The following CMYA5 variants were observed in gnomAD, a reference collection of about 807,000 sequenced individuals.
CMYA5 encodes cardiomyopathy-associated protein 5.
In CMYA5, 246 loss-of-function variants were observed where a neutral mutation model predicts 318.9. The observed-to-expected ratio is 0.77, with a 90% CI of 0.70 to 0.86. The LOEUF (loss-of-function observed/expected upper bound fraction) is 0.86, where lower values mean the gene tolerates loss of function less well. Among genes scored for constraint, CMYA5 ranks in the 40% least tolerant of loss-of-function variants. The probability of loss-of-function intolerance (pLI) is 0.00; values close to 1 mark genes in which losing one functional copy is unlikely to be tolerated. For synonymous variants in CMYA5, 1,641 were observed against 1,729.5 expected (o/e 0.95, Z 1.27); for missense variants, 4,589 against 4,678.2 (o/e 0.98, Z 0.56).
Position 79,732,886 on chromosome 5 carries a change from C to T in CMYA5, c.4121C>T (p.Pro1374Leu). ...ACCAGAGCAGTAAAAGAAGAAATCC[C>T]AACAGATTCATCTCTTATCACTCCT... ...NLTRAVKEEI[P>L]TDSSLITPVD... Residue 1374 changes from proline to leucine, a missense_variant, in exon 2 of 13, where the codon CCA becomes CTA. This residue lies in a region of CMYA5 where 2,132 missense variants were observed against 2,131.3 expected (regional missense o/e 1.00). Transcript: ENST00000446378. 1 of 1,613,712 alleles carries T rather than the reference C, an allele frequency of 6.2e-7. No individual in the cohort carries two copies. Among genetic ancestry groups the T allele is most frequent in the Non-Finnish European group, 8.5e-7 (1 of 1,179,792 alleles).
intron 1 of CMYA5, among the ~76,000 whole-genome samples, chr5:79,710,997 T>C (rs1363515374): frequency 1.3e-5 from 2 of 152,194 alleles, no homozygotes; most frequent in Admixed American, 6.5e-5. Flanking sequence ...ATCTAACTTA[T>C]TCCAATACAG....
Position 79,731,450 on chromosome 5 carries a change from C to G in CMYA5, c.2685C>G (p.Pro895=). The G allele has an allele frequency of 6.2e-7, 1 of 1,611,330 alleles. No homozygotes were observed. The highest frequency in any genetic ancestry group is 2.2e-5 in the East Asian group (1 of 44,872). ...EEAVELERYT[P]SSTSASEFSV... ...CAGTCGAGTTGGAACGATACACACC[C>G]TCTTCTACATCTGCTTCTGAATTTT... Residue 895 remains proline (P), a synonymous_variant, in exon 2 of 13, where the codon CCC becomes CCG. Coordinates refer to ENST00000446378, the MANE Select transcript of CMYA5 (RefSeq NM_153610.5).
rs76197138 is a variant in CMYA5, at chr5:79,799,997, C to T, written c.*381C>T. The stretch of plus-strand genomic sequence containing the variant: ...GGTTGTGCTGGTAAGACATCTCTGA[C>T]GAAGAGCCATGGATGCTTTCCACAA... On this transcript the variant is annotated 3_prime_UTR_variant, in exon 13 of 13. Transcript: ENST00000446378. The T allele has an allele frequency of 0.018, 2,940 of 163,532 alleles. 85 individuals carry two copies. The highest frequency in any genetic ancestry group is 0.067 in the African/African-American group (2,808 of 41,692). The allele number at this position is 163,532 out of a possible 1,614,324, so 10.1% of individuals were successfully genotyped here.
rs1461353829 is a variant in CMYA5, at chr5:79,793,558, G to C, written c.11911G>C (p.Ala3971Pro). 6.2e-7 allele frequency: 1 copy of C among 1,613,762 alleles called. No homozygotes were observed. Among genetic ancestry groups the C allele is most frequent in the East Asian group, 2.2e-5 (1 of 44,870 alleles). ...CTCCAGCTCGGCTGTGCAGGCAGGT[G>C]CCCTAGGACAAGGGGAGACCTCATG... Reference protein sequence around the residue: ...ICSSSAVQAGALGQGETSWYM... With the variant: ...ICSSSAVQAGPLGQGETSWYM... Residue 3971 changes from alanine (A) to proline (P), a missense_variant, in exon 12 of 13, where the codon GCC becomes CCC. Transcript: ENST00000446378.
At chr5:79,787,335 G>C (rs569850145) in intron 9 of CMYA5, among the ~76,000 whole-genome samples, 1 of 152,028 alleles carries the variant, frequency 6.6e-6, no homozygotes, top group Non-Finnish European at 1.5e-5. Context: ...TTCAGTTCAG[G>C]CTGACTATGC....
chr5:79,789,135 T>A (rs374025678), intron 10 of CMYA5, 31 bp downstream of exon 10: 2 of 1,610,870 alleles, frequency 1.2e-6, no homozygotes, highest in Non-Finnish European at 1.7e-6. Context: ...AGTGAGCTAT[T>A]TCCAAGCTAT....
chr5:79,692,299 AT>A (rs1163025450), intron 1 of CMYA5, among the ~76,000 whole-genome samples: 2 of 152,094 alleles, frequency 1.3e-5, no homozygotes, highest in Non-Finnish European at 2.9e-5. Context: ...TTAGAATTTT[AT>A]TTTTGGTTTG....
At chr5:79,714,172 G>C (rs1413938890) in intron 1 of CMYA5, among the ~76,000 whole-genome samples, 1 of 152,118 alleles carries the variant, frequency 6.6e-6, no homozygotes, top group African/African-American at 2.4e-5. Flanking sequence ...CCAAAGAATA[G>C]CCAGACACAC....
At chr5:79,785,875 T>C (rs759823469) in intron 9 of CMYA5, among the ~76,000 whole-genome samples, 1 of 152,164 alleles carries the variant, frequency 6.6e-6, no homozygotes, top group Non-Finnish European at 1.5e-5. Flanking sequence ...TCTGACCCCA[T>C]TGTGCACCTT....
chr5:79,737,088 G>A lies in CMYA5; in HGVS notation c.8323G>A (p.Val2775Ile), dbSNP rs376275516. Residue 2775 changes from valine (V) to isoleucine (I), a missense_variant, in exon 2 of 13, where the codon GTA becomes ATA. Val to Ile is a conservative substitution (Grantham distance 29). Coordinates refer to ENST00000446378, the MANE Select transcript of CMYA5 (RefSeq NM_153610.5). Reference sequence around the variant, plus strand: ...GTCAGAGCTATGGAAAGGTGGTTCAGTAGATATCACAAAAGAAAGTATGAA... The same window carrying A: ...GTCAGAGCTATGGAAAGGTGGTTCAATAGATATCACAAAAGAAAGTATGAA... Reference protein sequence around the residue: ...KESELWKGGSVDITKESMKEG... With the variant: ...KESELWKGGSIDITKESMKEG... The A allele has an allele frequency of 3.1e-6, 5 of 1,613,538 alleles. No individual in the cohort carries two copies. Among genetic ancestry groups the A allele is most frequent in the African/African-American group, 1.3e-5 (1 of 74,904 alleles).
chr5:79,736,875 G>A lies in CMYA5; in HGVS notation c.8110G>A (p.Gly2704Arg), dbSNP rs199687806. Residue 2704 changes from glycine to arginine, a missense_variant, in exon 2 of 13, where the codon GGA becomes AGA. By Grantham distance (125) the Gly-to-Arg change is moderately radical. Coordinates refer to ENST00000446378, the MANE Select transcript of CMYA5 (RefSeq NM_153610.5). ...VKQGFQEKAV[G>R]TQPRPLEESK... Reference sequence around the variant, plus strand: ...ACAAGGATTTCAAGAAAAGGCAGTAGGAACCCAACCACGTCCTTTAGAAGA... The same window carrying A: ...ACAAGGATTTCAAGAAAAGGCAGTAAGAACCCAACCACGTCCTTTAGAAGA... 598 of 1,612,860 alleles carry A rather than the reference G, an allele frequency of 3.7e-4. No individual in the cohort carries two copies. Among genetic ancestry groups the A allele is most frequent in the Non-Finnish European group, 4.6e-4 (545 of 1,179,702 alleles).
Position 79,733,092 on chromosome 5 carries a change from A to AT in CMYA5, c.4329dup (p.Lys1444Ter). ...AGCTTGGTCAGAAGCAGAGAAGGAA[A>AT]TTAAATTTGATTCACTTCCAAGTGT... On this transcript the variant is annotated frameshift_variant, in exon 2 of 13. Transcript: ENST00000446378. LOFTEE classifies it high-confidence loss of function. 1 of 1,613,724 alleles carries AT rather than the reference A, an allele frequency of 6.2e-7. No individual in the cohort carries two copies. Among genetic ancestry groups the AT allele is most frequent in the Non-Finnish European group, 8.5e-7 (1 of 1,179,798 alleles).
At position 79,736,824 on chromosome 5, in the gene CMYA5, G is replaced by A; in HGVS notation, c.8059G>A (p.Val2687Ile). 1 of 1,612,794 alleles carries A rather than the reference G, an allele frequency of 6.2e-7. No homozygotes were observed. The highest frequency in any genetic ancestry group is 2.2e-5 in the East Asian group (1 of 44,830). The change falls in exon 2 of 13, where the codon GTA becomes ATA. Residue 2687 changes from valine (V) to isoleucine (I), a missense_variant. This residue lies in a region of CMYA5 where 2,431 missense variants were observed against 2,495.1 expected (regional missense o/e 0.97). Transcript: ENST00000446378. ...GTCAGAGCTATCGAAAGGCGGTTCA[G>A]TAGATATCACAAAAGAAACTGTGAA... is the stretch of plus-strand genomic sequence containing the variant. ...RESELSKGGS[V>I]DITKETVKQG...
chr5:79,765,371 A>C, intron 9 of CMYA5, among the ~76,000 whole-genome samples: 1 of 152,220 alleles, frequency 6.6e-6, no homozygotes, highest in Non-Finnish European at 1.5e-5. Context: ...TACCAGTACC[A>C]TGCTGTTTTG....
intron 9 of CMYA5, among the ~76,000 whole-genome samples, chr5:79,772,216 C>G (rs1235494574): frequency 6.6e-6 from 1 of 152,092 alleles, no homozygotes; most frequent in African/African-American, 2.4e-5. Context: ...TGAGATCTTG[C>G]CAATCAATTC....
chr5:79,689,966 A>T lies in CMYA5; in HGVS notation c.59A>T (p.Glu20Val), dbSNP rs1159164194. ...GESFLGSDGD[E>V]EATRELETEE... ...AGCTTTCTCGGCTCCGACGGGGACG[A>T]GGAGGCGACCCGGGAGCTGGAGACC... The change falls in exon 1 of 13, where the codon GAG becomes GTG. Residue 20 changes from glutamate to valine, a missense_variant. Coordinates refer to ENST00000446378, the MANE Select transcript of CMYA5 (RefSeq NM_153610.5). 4 of 1,247,668 alleles carry T rather than the reference A, an allele frequency of 3.2e-6. No homozygotes were observed. The African/African-American group carries it at 6.1e-5, about 19-fold the overall frequency. 77.3% of individuals were successfully genotyped at this position (1,247,668 alleles called of 1,614,324 possible).
At position 79,737,374 on chromosome 5, in the gene CMYA5, A is replaced by G; in HGVS notation, c.8609A>G (p.Lys2870Arg). The G allele has an allele frequency of 6.2e-7, 1 of 1,613,888 alleles. No homozygotes were observed. The highest frequency in any genetic ancestry group is 8.5e-7 in the Non-Finnish European group (1 of 1,179,836). The change falls in exon 2 of 13, where the codon AAG becomes AGG. Residue 2870 changes from lysine to arginine, a missense_variant. Lys to Arg is a conservative substitution (Grantham distance 26). Coordinates refer to ENST00000446378, the MANE Select transcript of CMYA5 (RefSeq NM_153610.5). ...CCTAAACAATCTGTTCTTGTTTCAAAGCACCACTTGGAGGCTGCGGAAGAT... is the reference window on the plus strand; with the variant it reads ...CCTAAACAATCTGTTCTTGTTTCAAGGCACCACTTGGAGGCTGCGGAAGAT... ...DVPKQSVLVS[K>R]HHLEAAEDTR... is the part of the protein sequence containing the mutation.
In CMYA5 at chr5:79,736,398, G is replaced by A. The variant is rs1440093045; in HGVS notation, c.7633G>A (p.Val2545Ile). 3 of 1,611,038 alleles carry A rather than the reference G, an allele frequency of 1.9e-6. No homozygotes were observed. The highest frequency in any genetic ancestry group is 2.5e-6 in the Non-Finnish European group (3 of 1,178,436). ...KEKGEEKENQVYVLSEGKKQQ... is the reference protein window; with the variant it reads ...KEKGEEKENQIYVLSEGKKQQ... ...GAAAGGTGAAGAAAAAGAAAATCAG[G>A]TATATGTGCTTTCAGAAGGAAAGAA... Residue 2545 changes from valine to isoleucine, a missense_variant, in exon 2 of 13, where the codon GTA (valine) becomes ATA (isoleucine). Physicochemically the swap from Val to Ile is conservative, Grantham distance 29. Coordinates refer to ENST00000446378, the MANE Select transcript of CMYA5 (RefSeq NM_153610.5).
Position 79,734,273 on chromosome 5 carries a change from A to T in CMYA5, c.5508A>T (p.Leu1836Phe). The change falls in exon 2 of 13, where the codon TTA (leucine) becomes TTT (phenylalanine). Residue 1836 changes from leucine to phenylalanine, a missense_variant. Around this residue, in one of 3 missense-constraint regions of CMYA5, gnomAD observed 2,132 missense variants for 2,131.3 expected, o/e 1.00. Coordinates refer to ENST00000446378, the MANE Select transcript of CMYA5 (RefSeq NM_153610.5). ...TTCATTCAGATCAAACTGTTAAATT[A>T]CCTGATGTAAGCACCTCTTCTGAAG... is the stretch of plus-strand genomic sequence containing the variant. ...KALHSDQTVK[L>F]PDVSTSSEDK... The T allele has an allele frequency of 6.2e-7, 1 of 1,613,522 alleles. No homozygotes were observed. The highest frequency in any genetic ancestry group is 8.5e-7 in the Non-Finnish European group (1 of 1,179,740).
Sources: allele counts gnomAD v4.1 joint callset (sites outside exome capture counted in the v4.1 genomes callset), GRCh38; gene constraint gnomAD v4.1.1; regional missense constraint gnomAD v4.1.1; transcripts MANE v1.5; gene names NCBI Gene and HGNC (gene_info 2026-07-23, HGNC 2026-07-21).